Variants in ZMAT4 observed in about 807,000 individuals in gnomAD.
The protein encoded by ZMAT4 is zinc finger matrin-type protein 4.
ZMAT4 carries 17 observed loss-of-function variants against 28.7 expected under a neutral mutation model. That is an observed-to-expected ratio of 0.59 (90% CI 0.41 to 0.89). ZMAT4 has a LOEUF of 0.89. Among genes scored for constraint, ZMAT4 ranks in the 40% least tolerant of loss-of-function variants. The pLI is 0.00. For missense variants in ZMAT4, 240 were observed against 283.8 expected (o/e 0.85, Z 1.11); for synonymous variants, 117 against 109.2 (o/e 1.07, Z -0.44).
intron 3 of ZMAT4, among the ~76,000 whole-genome samples, chr8:40,743,993 A>G (rs1309260061): frequency 1.3e-5 from 2 of 152,222 alleles, no homozygotes; most frequent in African/African-American, 4.8e-5. Context: ...TTGAAAAAAT[A>G]TGGCTAGAAT....
chr8:40,547,027 T>C (rs1165836596), intron 6 of ZMAT4, among the ~76,000 whole-genome samples: 3 of 152,170 alleles, frequency 2.0e-5, no homozygotes, highest in African/African-American at 7.2e-5. Flanking sequence ...GAGTGACATT[T>C]CTTAAGGTGC....
intron 3 of ZMAT4, among the ~76,000 whole-genome samples, chr8:40,761,957 G>A (rs757336295): frequency 3.3e-5 from 5 of 152,166 alleles, no homozygotes; most frequent in Admixed American, 6.5e-5. Context: ...AAACTCATGC[G>A]TAGCAGAACT....
At chr8:40,873,667 C>T (rs1454478271) in intron 1 of ZMAT4, among the ~76,000 whole-genome samples, 1 of 152,218 alleles carries the variant, frequency 6.6e-6, no homozygotes, top group East Asian at 1.9e-4. Flanking sequence ...GCCTGCCATG[C>T]TCTGCCCATG....
At chr8:40,584,686 G>A (rs915448497) in intron 5 of ZMAT4, among the ~76,000 whole-genome samples, 2 of 151,962 alleles carry the variant, frequency 1.3e-5, no homozygotes, top group African/African-American at 4.8e-5. Context: ...AGGCTGGAGT[G>A]CGAGTGACAT....
intron 3 of ZMAT4, 98 bp from the exon 4 acceptor site, chr8:40,697,499 G>T: frequency 1.6e-6 from 2 of 1,224,624 alleles, no homozygotes. Flanking sequence ...GAAATATCTA[G>T]TTTTTGTTCT....
intron 1 of ZMAT4, among the ~76,000 whole-genome samples, chr8:40,869,220 G>C (rs1817771008): frequency 6.6e-6 from 1 of 152,120 alleles, no homozygotes; most frequent in South Asian, 2.1e-4. Context: ...TCTTCATCAA[G>C]AAACTCTACT....
chr8:40,817,667 G>A (rs1815598297), intron 2 of ZMAT4, among the ~76,000 whole-genome samples: 1 of 152,122 alleles, frequency 6.6e-6, no homozygotes, highest in African/African-American at 2.4e-5. Context: ...TTGCTCATAG[G>A]TCACTGGACC....
At chr8:40,653,177 A>T (rs889662008) in intron 5 of ZMAT4, among the ~76,000 whole-genome samples, 7 of 152,110 alleles carry the variant, frequency 4.6e-5, no homozygotes, top group African/African-American at 1.7e-4. Context: ...TACAAATAAA[A>T]ATGGACAGCA....
At chr8:40,773,293 C>T (rs1351750807) in intron 2 of ZMAT4, among the ~76,000 whole-genome samples, 1 of 152,172 alleles carries the variant, frequency 6.6e-6, no homozygotes, top group African/African-American at 2.4e-5. Context: ...TCAAACTCCT[C>T]TGCTGGAAGA....
At chr8:40,785,801 A>G (rs1436828218) in intron 2 of ZMAT4, among the ~76,000 whole-genome samples, 3 of 152,202 alleles carry the variant, frequency 2.0e-5, no homozygotes, top group African/African-American at 7.2e-5. Flanking sequence ...CACATTATGC[A>G]GTACCATGCA....
intron 5 of ZMAT4, among the ~76,000 whole-genome samples, chr8:40,601,389 G>A (rs1164330132): frequency 1.5e-5 from 2 of 136,892 alleles, no homozygotes; most frequent in African/African-American, 5.7e-5. Flanking sequence ...AAGAAGGAAG[G>A]AAGGAAGGAG....
At chr8:40,843,015 G>C (rs1816756257) in intron 1 of ZMAT4, among the ~76,000 whole-genome samples, 1 of 152,094 alleles carries the variant, frequency 6.6e-6, no homozygotes, top group African/African-American at 2.4e-5. Context: ...GACCTCAGGT[G>C]ATCTACCCAC....
intron 1 of ZMAT4, among the ~76,000 whole-genome samples, chr8:40,864,560 G>C (rs1335526157): frequency 6.6e-6 from 1 of 152,138 alleles, no homozygotes; most frequent in African/African-American, 2.4e-5. Flanking sequence ...ACCCTGTGTG[G>C]CCTGGGTACT....
At chr8:40,751,895 C>A (rs750649118) in intron 3 of ZMAT4, among the ~76,000 whole-genome samples, 16 of 152,108 alleles carry the variant, frequency 1.1e-4, no homozygotes, top group Admixed American at 8.5e-4. Flanking sequence ...ATCAACCCCC[C>A]CTGTGCAAAA....
intron 5 of ZMAT4, among the ~76,000 whole-genome samples, chr8:40,589,911 T>TCCTC (rs1205239988): frequency 4.6e-5 from 6 of 131,736 alleles, no homozygotes; most frequent in Admixed American, 7.6e-5. Context: ...CTTCCCTTCT[T>TCCTC]CCTCCCTCCC....
intron 1 of ZMAT4, among the ~76,000 whole-genome samples, chr8:40,892,546 G>T (rs1818733393): frequency 6.6e-6 from 1 of 152,206 alleles, no homozygotes; most frequent in Admixed American, 6.5e-5. Flanking sequence ...TGATTACAGA[G>T]AAATTAGGAG....
chr8:40,555,977 A>G (rs1803520895), intron 6 of ZMAT4, among the ~76,000 whole-genome samples: 1 of 152,136 alleles, frequency 6.6e-6, no homozygotes, highest in African/African-American at 2.4e-5. Context: ...TTATCTTACC[A>G]TATTTCTCCT....
chr8:40,747,363 G>A (rs1206881853), intron 3 of ZMAT4, among the ~76,000 whole-genome samples: 1 of 152,090 alleles, frequency 6.6e-6, no homozygotes, highest in Non-Finnish European at 1.5e-5. Flanking sequence ...CAAGTGAAAT[G>A]CACACAGGAG....
chr8:40,894,165 C>A (rs57639986), intron 1 of ZMAT4, among the ~76,000 whole-genome samples: 1 of 152,188 alleles, frequency 6.6e-6, no homozygotes, highest in African/African-American at 2.4e-5. Context: ...TGAGGGCTTG[C>A]GGCTGGTGGG....
Sources: allele counts gnomAD v4.1 joint callset (sites outside exome capture counted in the v4.1 genomes callset), GRCh38; gene constraint gnomAD v4.1.1; transcripts MANE v1.5; gene names NCBI Gene and HGNC (gene_info 2026-07-23, HGNC 2026-07-21).